CSMD2: variants seen among roughly 807,000 people sequenced by gnomAD.
The protein encoded by CSMD2 is CUB and sushi domain-containing protein 2.
A neutral mutation model predicts 398.5 loss-of-function variants in CSMD2; 130 were observed. The observed-to-expected ratio is 0.33, with a 90% CI of 0.28 to 0.38. The LOEUF is 0.38. CSMD2 is among the 10% of genes least tolerant of loss of function. CSMD2 has a pLI of 1.00. For missense variants in CSMD2, 3,829 were observed against 4,764.9 expected, an observed-to-expected ratio of 0.80 and a Z score of 5.78; for synonymous variants, 1,828 against 1,908.5, an observed-to-expected ratio of 0.96 and a Z score of 1.10.
At chr1:33,765,897 C>A (rs1420115366) in intron 13 of CSMD2, among the ~76,000 whole-genome samples, 2 of 152,242 alleles carry the variant, frequency 1.3e-5, no homozygotes, top group Non-Finnish European at 2.9e-5. Context: ...ACAGCAAATG[C>A]CCCATGTCCC....
chr1:33,641,002 A>G (rs1255750890), intron 29 of CSMD2, among the ~76,000 whole-genome samples: 3 of 152,086 alleles, frequency 2.0e-5, no homozygotes, highest in African/African-American at 2.4e-5. Context: ...GTTCTTTCAG[A>G]TTCTCTAACA....
At chr1:33,922,986 T>C (rs1471367184) in intron 4 of CSMD2, among the ~76,000 whole-genome samples, 1 of 152,258 alleles carries the variant, frequency 6.6e-6, no homozygotes, top group Non-Finnish European at 1.5e-5. Context: ...TTTTGATATA[T>C]GTATGTATTG....
At chr1:33,941,266 T>C (rs1644663168) in intron 3 of CSMD2, among the ~76,000 whole-genome samples, 1 of 152,272 alleles carries the variant, frequency 6.6e-6, no homozygotes, top group Non-Finnish European at 1.5e-5. Flanking sequence ...CCTCTGTGGC[T>C]GAAGTGCAGC....
At chr1:33,866,255 G>A (rs771056306) in intron 5 of CSMD2, among the ~76,000 whole-genome samples, 4 of 152,206 alleles carry the variant, frequency 2.6e-5, no homozygotes, top group African/African-American at 4.8e-5. Flanking sequence ...CTGGGTACAG[G>A]GAGGCACATT....
intron 10 of CSMD2, among the ~76,000 whole-genome samples, chr1:33,803,724 C>T (rs999273714): frequency 6.6e-6 from 1 of 152,182 alleles, no homozygotes; most frequent in African/African-American, 2.4e-5. Flanking sequence ...CCCATTTTTC[C>T]TACTTAGGTA....
Position 33,546,172 on chromosome 1 carries a change from T to G in CSMD2, c.8965A>C (p.Ile2989Leu). 6.2e-7 allele frequency: 1 copy of G among 1,614,090 alleles called. No homozygotes were observed. Among genetic ancestry groups the G allele is most frequent in the Non-Finnish European group, 8.5e-7 (1 of 1,179,996 alleles). Residue 2989 changes from isoleucine (I) to leucine (L), a missense_variant, in exon 57 of 71, where the codon ATC (isoleucine) becomes CTC (leucine). By Grantham distance (5) the Ile-to-Leu change is conservative. Transcript: ENST00000373381. ...CGDPGIPAHG[I>L]RLGDSFDPGT... ...GGATCAAAGCTGTCCCCCAAACGGATGCCATGAGCCGGGATCCCAGGGTCA... is the reference window on the plus strand; with the variant it reads ...GGATCAAAGCTGTCCCCCAAACGGAGGCCATGAGCCGGGATCCCAGGGTCA...
chr1:33,820,060 C>G (rs1307488656), intron 8 of CSMD2, among the ~76,000 whole-genome samples: 1 of 152,164 alleles, frequency 6.6e-6, no homozygotes, highest in African/African-American at 2.4e-5. Flanking sequence ...TAAAAGGTGA[C>G]TTTGTGAGCA....
At chr1:33,808,161 CAA>C (rs1656435611) in intron 10 of CSMD2, among the ~76,000 whole-genome samples, 1 of 152,046 alleles carries the variant, frequency 6.6e-6, no homozygotes, top group Non-Finnish European at 1.5e-5. Flanking sequence ...GAATAATAGG[CAA>C]ATCCACCATC....
chr1:33,907,052 T>C (rs563434111), intron 5 of CSMD2, among the ~76,000 whole-genome samples: 4 of 151,770 alleles, frequency 2.6e-5, no homozygotes, highest in Non-Finnish European at 4.4e-5. Context: ...CTTCTGGCAT[T>C]GGTAATTGGA....
At chr1:33,605,775 A>G in intron 41 of CSMD2, 1 of 1,043,910 alleles carries the variant, frequency 9.6e-7, no homozygotes, top group East Asian at 2.5e-5. Context: ...CTCAAGGAAG[A>G]CATTGCTCAA....
At chr1:33,892,660 T>C (rs1050817593) in intron 5 of CSMD2, among the ~76,000 whole-genome samples, 1 of 152,228 alleles carries the variant, frequency 6.6e-6, no homozygotes, top group African/African-American at 2.4e-5. Context: ...TTCATTCCTT[T>C]TTATGGCTGA....
intron 13 of CSMD2, among the ~76,000 whole-genome samples, chr1:33,760,641 A>T (rs533245354): frequency 6.6e-6 from 1 of 152,274 alleles, no homozygotes; most frequent in African/African-American, 2.4e-5. Flanking sequence ...TCATATATAA[A>T]AATGGGATTA....
At chr1:33,680,340 A>T (rs1297950920) in intron 25 of CSMD2, among the ~76,000 whole-genome samples, 2 of 151,726 alleles carry the variant, frequency 1.3e-5, no homozygotes, top group African/African-American at 2.4e-5. Flanking sequence ...AATGTTTCCC[A>T]TGTGGGCACC....
chr1:33,678,286 C>G (rs1253853969), intron 25 of CSMD2, among the ~76,000 whole-genome samples: 1 of 137,458 alleles, frequency 7.3e-6, no homozygotes, highest in Admixed American at 7.7e-5. Flanking sequence ...GAACCATGAG[C>G]CAAATAAACC....
At chr1:33,625,382 A>G (rs1389977475) in intron 33 of CSMD2, 128 bp from the exon 34 acceptor site, 5 of 867,004 alleles carry the variant, frequency 5.8e-6, no homozygotes, top group Non-Finnish European at 7.2e-6. Context: ...GCTCTCCCGT[A>G]GGGAAGGGCT....
At position 33,533,911 on chromosome 1, in the gene CSMD2, C is replaced by G; in HGVS notation, c.9880-4G>C. The G allele has an allele frequency of 6.3e-7, 1 of 1,595,894 alleles. No individual in the cohort carries two copies. The highest frequency in any genetic ancestry group is 8.6e-7 in the Non-Finnish European group (1 of 1,163,620). ...GGAAGAGGACTGTGCTTCCAACCTG[C>G]GGCAAGATACAAAGTCCCATCAGCC... is the stretch of plus-strand genomic sequence containing the variant. On this transcript the variant is annotated splice_region_variant and splice_polypyrimidine_tract_variant and intron_variant, in intron 62 of 70. Coordinates refer to ENST00000373381, the MANE Select transcript of CSMD2 (RefSeq NM_001281956.2). This position sits in a 1 kb window ranked among gnomAD's most constrained non-coding sequence, Gnocchi z 4.2.
intron 3 of CSMD2, among the ~76,000 whole-genome samples, chr1:34,011,440 A>G (rs1183351509): frequency 6.6e-6 from 1 of 152,164 alleles, no homozygotes; most frequent in African/African-American, 2.4e-5. Context: ...AAGATGGGAA[A>G]CAGAAACGAA....
chr1:33,755,898 C>T (rs1040295361), intron 13 of CSMD2, among the ~76,000 whole-genome samples: 3 of 152,026 alleles, frequency 2.0e-5, no homozygotes, highest in African/African-American at 4.8e-5. Context: ...AGACACCTGG[C>T]TTGTACACAA....
chr1:33,793,584 T>C (rs1352886491), intron 10 of CSMD2, among the ~76,000 whole-genome samples: 1 of 152,078 alleles, frequency 6.6e-6, no homozygotes, highest in African/African-American at 2.4e-5. Context: ...CCTCCAAAAT[T>C]AGAATTTATG....
Sources: gnomAD v4.1 joint callset for allele counts (sites outside exome capture counted in the v4.1 genomes callset) on GRCh38, gnomAD v4.1.1 for gene constraint, Gnocchi (gnomAD v3.1) non-coding constraint, MANE v1.5 for transcripts, NCBI Gene and HGNC (gene_info 2026-07-23, HGNC 2026-07-21) for gene names.